The following FBXL17 variants were observed in gnomAD, a reference collection of about 807,000 sequenced individuals.
The protein encoded by FBXL17 is F-box/LRR-repeat protein 17.
In FBXL17, 22 loss-of-function variants were observed where a neutral mutation model predicts 66.2. The ratio of observed to expected loss-of-function variants is 0.33; its 90% CI spans 0.24 to 0.47. The LOEUF is 0.47. Among genes scored for constraint, FBXL17 ranks in the 20% least tolerant of loss-of-function variants. The pLI is 1.00. For synonymous variants in FBXL17, 474 were observed against 400.5 expected (o/e 1.18, Z -2.19); for missense variants, 878 against 948.2 (o/e 0.93, Z 0.97).
At chr5:108,245,555 C>T (rs1444409059) in intron 4 of FBXL17, among the ~76,000 whole-genome samples, 1 of 152,140 alleles carries the variant, frequency 6.6e-6, no homozygotes, top group Non-Finnish European at 1.5e-5. Flanking sequence ...TCTTACACTT[C>T]AAACAGCTTA....
rs562532738 is a variant in FBXL17, at chr5:107,974,444, T to C, written c.1822+46481A>G. Among the ~76,000 whole-genome samples, 221 of 152,262 alleles carry C rather than the reference T, an allele frequency of 1.5e-3. 2 individuals are homozygous for C. The highest frequency in any genetic ancestry group is 5.1e-3 in the African/African-American group (214 of 41,570). On this transcript the variant is annotated intron_variant, in intron 7 of 8. Transcript: ENST00000542267. ...TAATACTTATAAAGACTTTTTTCAC[T>C]GGCAATTTTTAAGTAGGTAAGTAAA...
At chr5:108,176,930 C>G (rs965908445) in intron 6 of FBXL17, among the ~76,000 whole-genome samples, 1 of 151,964 alleles carries the variant, frequency 6.6e-6, no homozygotes, top group African/African-American at 2.4e-5. Context: ...TTGAAAAAAC[C>G]CACATACTTA....
chr5:108,081,481 G>A (rs1015411716), intron 6 of FBXL17, among the ~76,000 whole-genome samples: 1 of 152,084 alleles, frequency 6.6e-6, no homozygotes, highest in Non-Finnish European at 1.5e-5. Context: ...CAGCACTTTG[G>A]GAGGCCAAGG....
In FBXL17 at chr5:107,861,655, C is replaced by T; in HGVS notation, c.*65G>A. 1 of 1,409,088 alleles carries T rather than the reference C, an allele frequency of 7.1e-7. No individual in the cohort carries two copies. The highest frequency in any genetic ancestry group is 1.7e-5 in the South Asian group (1 of 58,468). 87.3% of individuals were successfully genotyped at this position (1,409,088 alleles called of 1,614,324 possible). ...TTAAAACCCTTCCGAGAGATCAGCT[C>T]CCCAAATGTACAATTCTCCTCTGCT... is the stretch of plus-strand genomic sequence containing the variant. On this transcript the variant is annotated 3_prime_UTR_variant, in exon 9 of 9. Transcript: ENST00000542267.
intron 5 of FBXL17, among the ~76,000 whole-genome samples, chr5:108,221,278 T>C (rs1754852790): frequency 6.6e-6 from 1 of 152,224 alleles, no homozygotes; most frequent in African/African-American, 2.4e-5. Flanking sequence ...CTCTGTTTTC[T>C]TGCCCTTGAT....
intron 3 of FBXL17, among the ~76,000 whole-genome samples, chr5:108,358,875 C>G (rs1396890000): frequency 6.6e-6 from 1 of 151,514 alleles, no homozygotes; most frequent in Non-Finnish European, 1.5e-5. Context: ...AAATATATTC[C>G]AATTTTCTAC....
At chr5:108,029,400 T>A (rs560845763) in intron 6 of FBXL17, among the ~76,000 whole-genome samples, 36 of 152,220 alleles carry the variant, frequency 2.4e-4, no homozygotes, top group Middle Eastern at 3.4e-3. Flanking sequence ...TTAGCCAGAT[T>A]GTACTCTGAA....
chr5:108,222,177 T>C (rs1372554753), intron 5 of FBXL17, among the ~76,000 whole-genome samples: 1 of 152,246 alleles, frequency 6.6e-6, no homozygotes, highest in Admixed American at 6.5e-5. Context: ...AGTACCAGTG[T>C]ACCATAATTT....
At chr5:107,998,845 C>T (rs1580307069) in intron 7 of FBXL17, among the ~76,000 whole-genome samples, 1 of 152,190 alleles carries the variant, frequency 6.6e-6, no homozygotes, top group East Asian at 1.9e-4. Flanking sequence ...ACATCTCCAA[C>T]AACTCCTAAC....
chr5:108,380,668 G>A (rs1749786202), intron 1 of FBXL17, 31 bp downstream of exon 1: 4 of 1,237,164 alleles, frequency 3.2e-6, no homozygotes, highest in Non-Finnish European at 3.1e-6. Context: ...GGGGGAAAGC[G>A]AGCATCCCTG....
At chr5:107,950,465 A>T (rs1284494590) in intron 7 of FBXL17, among the ~76,000 whole-genome samples, 1 of 152,196 alleles carries the variant, frequency 6.6e-6, no homozygotes, top group East Asian at 1.9e-4. Flanking sequence ...TTGTAAAATA[A>T]AATGTTTTGG....
intron 7 of FBXL17, among the ~76,000 whole-genome samples, chr5:108,013,592 T>G (rs1182447734): frequency 6.6e-6 from 1 of 152,148 alleles, no homozygotes; most frequent in African/African-American, 2.4e-5. Context: ...GGCAGAAAAT[T>G]TTACATGGTT....
chr5:108,294,296 T>A (rs1359438328), intron 4 of FBXL17, among the ~76,000 whole-genome samples: 4 of 147,304 alleles, frequency 2.7e-5, no homozygotes, highest in Non-Finnish European at 6.0e-5. Context: ...AAAAAAAATA[T>A]ATATATATAC....
chr5:108,253,493 AAT>A (rs1756446593), intron 4 of FBXL17, among the ~76,000 whole-genome samples: 1 of 152,120 alleles, frequency 6.6e-6, no homozygotes, highest in Non-Finnish European at 1.5e-5. Context: ...ATGTCTTACC[AAT>A]ATATCTCATA....
chr5:108,144,580 T>C (rs1268540733), intron 6 of FBXL17, among the ~76,000 whole-genome samples: 1 of 152,194 alleles, frequency 6.6e-6, no homozygotes. Flanking sequence ...TGTTCCAACA[T>C]TTGTAATCAT....
chr5:108,371,609 T>C (rs971198590), intron 1 of FBXL17, among the ~76,000 whole-genome samples: 9 of 151,668 alleles, frequency 5.9e-5, no homozygotes, highest in Non-Finnish European at 5.9e-5. Context: ...AGACAATAAA[T>C]CAACAATTTA....
rs73212245 is a variant in FBXL17, at chr5:108,207,298, C to G, written c.1614+16823G>C. On this transcript the variant is annotated intron_variant, in intron 5 of 8. Coordinates refer to ENST00000542267, the MANE Select transcript of FBXL17 (RefSeq NM_001163315.3). Reference sequence around the variant, plus strand: ...TTGAATTAATAGATGGTTCTGGTTTCTCTAAATTCTCACCAACAATTGATA... The same window carrying G: ...TTGAATTAATAGATGGTTCTGGTTTGTCTAAATTCTCACCAACAATTGATA... 7.1e-3 allele frequency among the ~76,000 whole-genome samples: 1,084 copies of G among 151,986 alleles called. 18 individuals are homozygous for G. Among genetic ancestry groups the G allele is most frequent in the African/African-American group, 0.025 (1,029 of 41,478 alleles).
chr5:108,371,898 C>A (rs1176844127), intron 1 of FBXL17, among the ~76,000 whole-genome samples: 1 of 152,142 alleles, frequency 6.6e-6, no homozygotes, highest in African/African-American at 2.4e-5. Context: ...CAGGACGAGA[C>A]TCATTAGCTC....
In FBXL17 at chr5:108,148,074, G is replaced by T. The variant is rs1319818207; in HGVS notation, c.1745+38043C>A. ...GAAGGAAAATTATCTCAGATGGAAG[G>T]ACAGAGATGCAAGCAAAAACACTTG... On this transcript the variant is annotated intron_variant, in intron 6 of 8. Transcript: ENST00000542267. Among the ~76,000 whole-genome samples, 3 of 152,166 alleles carry T rather than the reference G, an allele frequency of 2.0e-5. No individual in the cohort carries two copies. In the East Asian group the frequency reaches 5.8e-4, roughly 29 times the overall value.
Sources: gnomAD v4.1 joint callset for allele counts (sites outside exome capture counted in the v4.1 genomes callset) on GRCh38, gnomAD v4.1.1 for gene constraint, MANE v1.5 for transcripts, NCBI Gene and HGNC (gene_info 2026-07-23, HGNC 2026-07-21) for gene names.